UBE2W: variants seen among roughly 807,000 people sequenced by gnomAD.
UBE2W encodes ubiquitin conjugating enzyme E2 W.
In UBE2W, 18 loss-of-function variants were observed where a neutral mutation model predicts 27.2. The observed-to-expected ratio is 0.66, with a 90% CI of 0.46 to 0.98. The LOEUF (loss-of-function observed/expected upper bound fraction) is 0.98, where lower values mean the gene tolerates loss of function less well. Ranked by LOEUF, UBE2W falls within the 50% of genes least tolerant of loss-of-function variation. The pLI is 0.00. For synonymous variants in UBE2W, 53 were observed against 57.2 expected (o/e 0.93, Z 0.33); for missense variants, 90 against 180.2 (o/e 0.50, Z 2.87).
chr8:73,866,288 AAAATATATATATATATATATAT>A (rs1297907385), intron 1 of UBE2W, among the ~76,000 whole-genome samples: 18 of 80,344 alleles, frequency 2.2e-4, no homozygotes, highest in African/African-American at 6.8e-4. Context: ...AAAAAAAAAA[AAAATATATATATATATATATAT>A]ATATATATAC....
In UBE2W at chr8:73,862,326, T is replaced by C. The variant is rs561843206; in HGVS notation, c.15+16482A>G. 8.5e-5 allele frequency among the ~76,000 whole-genome samples: 13 copies of C among 152,302 alleles called. No homozygotes were observed. In the East Asian group the frequency reaches 2.3e-3, roughly 27 times the overall value. ...AAATCTTTAATCCATCTTGAATTGA[T>C]TTTTGTATAAGGTGTAAGGAAGGGA... On this transcript the variant is annotated intron_variant, in intron 1 of 5. Transcript: ENST00000602593.
chr8:73,786,055 C>T (rs1807944628), downstream of UBE2W, among the ~76,000 whole-genome samples: 1 of 152,158 alleles, frequency 6.6e-6, no homozygotes, highest in South Asian at 2.1e-4. Context: ...GAAAGGCACA[C>T]AATAATTATC....
intron 2 of UBE2W, among the ~76,000 whole-genome samples, 175 bp downstream of exon 2, chr8:73,830,206 G>A (rs1363018167): frequency 6.6e-6 from 1 of 152,042 alleles, no homozygotes; most frequent in African/African-American, 2.4e-5. Flanking sequence ...TGTTTATAAT[G>A]CCGTAAAACA....
At chr8:73,807,199 C>T (rs1167915126) in intron 4 of UBE2W, among the ~76,000 whole-genome samples, 2 of 152,100 alleles carry the variant, frequency 1.3e-5, no homozygotes, top group Admixed American at 1.3e-4. Flanking sequence ...GATTATTTTC[C>T]TATCATTAAA....
Position 73,789,137 on chromosome 8 carries a change from A to G in UBE2W, c.*4965T>C, listed in dbSNP as rs1355050010. The G allele has an allele frequency of 1.0e-6, 1 of 984,824 alleles. No individual in the cohort carries two copies. Among genetic ancestry groups the G allele is most frequent in the East Asian group, 1.1e-4 (1 of 8,802 alleles). The allele number at this position is 984,824 out of a possible 1,614,324, so 61.0% of individuals were successfully genotyped here. A position where few individuals can be genotyped will look rare whatever the true frequency, so the allele number is the denominator to read the frequency against. ...AGTTTCAAGTACATGTCTAGATTCT[A>G]TGTGCCTCTAATGATAATGATGTAC... On this transcript the variant is annotated 3_prime_UTR_variant, in exon 6 of 6. Coordinates refer to ENST00000602593, the MANE Select transcript of UBE2W (RefSeq NM_018299.6).
At chr8:73,834,057 A>C (rs1361505344) in intron 1 of UBE2W, 3 of 152,240 alleles carry the variant, frequency 2.0e-5, no homozygotes, top group Non-Finnish European at 4.4e-5. Context: ...GTCTTTTCTT[A>C]AAGTGAAGAA....
At chr8:73,854,640 C>G (rs920866088) in intron 1 of UBE2W, among the ~76,000 whole-genome samples, 1 of 152,138 alleles carries the variant, frequency 6.6e-6, no homozygotes, top group Non-Finnish European at 1.5e-5. Context: ...ACCATAGATT[C>G]TCTGAGAACA....
At chr8:73,849,442 G>A (rs769993837) in intron 1 of UBE2W, among the ~76,000 whole-genome samples, 41 of 145,226 alleles carry the variant, frequency 2.8e-4, no homozygotes, top group Non-Finnish European at 4.5e-4. Flanking sequence ...AACAGCGGAG[G>A]TGGAGATTGT....
At chr8:73,837,513 TAAAA>T (rs879465547) in intron 1 of UBE2W, among the ~76,000 whole-genome samples, 3 of 146,340 alleles carry the variant, frequency 2.1e-5, no homozygotes, top group African/African-American at 7.5e-5. Context: ...ACTCTTGTCT[TAAAA>T]AAAAAAAAAT....
rs1807988428 is a variant in UBE2W, at chr8:73,787,114, A to C, written c.*6988T>G. 1 of 985,310 alleles carries C rather than the reference A, an allele frequency of 1.0e-6. No individual in the cohort carries two copies. Among genetic ancestry groups the C allele is most frequent in the Admixed American group, 6.1e-5 (1 of 16,264 alleles). 61.0% of individuals were successfully genotyped at this position (985,310 alleles called of 1,614,324 possible). ...GTAAAGGGCGTAGGGATTCCCACTTATGTATTTTGCATTATGCAGGCAAAC... is the reference window on the plus strand; with the variant it reads ...GTAAAGGGCGTAGGGATTCCCACTTCTGTATTTTGCATTATGCAGGCAAAC... On this transcript the variant is annotated 3_prime_UTR_variant, in exon 6 of 6. Coordinates refer to ENST00000602593, the MANE Select transcript of UBE2W (RefSeq NM_018299.6).
chr8:73,864,508 A>C (rs572950240), intron 1 of UBE2W, among the ~76,000 whole-genome samples: 116 of 152,278 alleles, frequency 7.6e-4, no homozygotes, highest in Non-Finnish European at 1.4e-3. Flanking sequence ...ACAGGGTTAG[A>C]TTCCTGCCAG....
At chr8:73,864,313 G>A (rs1017929330) in intron 1 of UBE2W, among the ~76,000 whole-genome samples, 4 of 152,162 alleles carry the variant, frequency 2.6e-5, no homozygotes, top group Non-Finnish European at 5.9e-5. Context: ...AGAATCACTT[G>A]AACCTGGGAG....
chr8:73,857,217 T>C (rs906352506), intron 1 of UBE2W, among the ~76,000 whole-genome samples: 2 of 152,172 alleles, frequency 1.3e-5, no homozygotes, highest in Non-Finnish European at 2.9e-5. Context: ...TGGAAACTTG[T>C]ATATGCTGGT....
intron 3 of UBE2W, among the ~76,000 whole-genome samples, chr8:73,824,086 G>A (rs1409398599): frequency 3.3e-5 from 5 of 152,080 alleles, no homozygotes; most frequent in African/African-American, 4.8e-5. Context: ...TTTAGCCAAC[G>A]GATCTCACAA....
intron 1 of UBE2W, among the ~76,000 whole-genome samples, chr8:73,877,768 T>G (rs1015284461): frequency 2.0e-5 from 3 of 152,126 alleles, no homozygotes; most frequent in Admixed American, 6.6e-5. Context: ...TCTTCACCTG[T>G]GAATTAAATG....
chr8:73,824,053 G>C (rs534888760), intron 3 of UBE2W, among the ~76,000 whole-genome samples: 2 of 152,292 alleles, frequency 1.3e-5, no homozygotes, highest in South Asian at 4.1e-4. Flanking sequence ...ATACTAGAGA[G>C]AGCTGGCATC....
At chr8:73,865,548 G>GC (rs1211024921) in intron 1 of UBE2W, among the ~76,000 whole-genome samples, 4 of 152,166 alleles carry the variant, frequency 2.6e-5, no homozygotes, top group African/African-American at 9.7e-5. Flanking sequence ...GGAGGCCAAG[G>GC]CTGCAGTGAG....
chr8:73,810,717 T>C (rs1809116215), intron 3 of UBE2W, 88 bp from the exon 4 acceptor site: 2 of 1,147,372 alleles, frequency 1.7e-6, no homozygotes, highest in African/African-American at 1.6e-5. Flanking sequence ...ATATTGATTA[T>C]AAAAAAACAA....
At chr8:73,827,028 C>G (rs1232292730) in intron 2 of UBE2W, among the ~76,000 whole-genome samples, 3 of 152,180 alleles carry the variant, frequency 2.0e-5, no homozygotes, top group Non-Finnish European at 4.4e-5. Context: ...AAACGGTGGT[C>G]TTTCATTCTG....
Sources: gnomAD v4.1 joint callset for allele counts (sites outside exome capture counted in the v4.1 genomes callset) on GRCh38, gnomAD v4.1.1 for gene constraint, MANE v1.5 for transcripts, NCBI Gene and HGNC (gene_info 2026-07-23, HGNC 2026-07-21) for gene names.